The following RBFOX1 variants were observed in gnomAD, a reference collection of about 807,000 sequenced individuals.
The protein encoded by RBFOX1 is RNA binding fox-1 homolog 1.
Under a neutral mutation model 57.7 loss-of-function variants are expected in RBFOX1, and 8 were observed. The ratio of observed to expected loss-of-function variants is 0.14; its 90% confidence interval spans 0.08 to 0.25. The LOEUF (loss-of-function observed/expected upper bound fraction) is 0.25. Among genes scored for constraint, RBFOX1 ranks in the 10% least tolerant of loss-of-function variants. RBFOX1 has a pLI of 1.00. For synonymous variants in RBFOX1, 326 were observed against 222.4 expected, an observed-to-expected ratio of 1.47 and a Z score of -4.15; for missense variants, 611 against 548.5, an observed-to-expected ratio of 1.11 and a Z score of -1.14.
chr16:7,096,746 A>G (rs2061758203), intron 4 of RBFOX1, among the ~76,000 whole-genome samples: 1 of 152,032 alleles, frequency 6.6e-6, no homozygotes, highest in African/African-American at 2.4e-5. Flanking sequence ...AGCCTGGCTA[A>G]CATGGTGAAA....
intron 3 of RBFOX1, among the ~76,000 whole-genome samples, chr16:5,813,609 A>G (rs144473346): frequency 2.6e-4 from 40 of 152,250 alleles, no homozygotes; most frequent in African/African-American, 9.6e-4. Context: ...AGAAAAGGCA[A>G]GTCTCACTAT....
intron 3 of RBFOX1, among the ~76,000 whole-genome samples, chr16:5,686,792 A>G (rs1015187740): frequency 6.6e-6 from 1 of 152,196 alleles, no homozygotes; most frequent in African/African-American, 2.4e-5. Context: ...CCATTTGGCT[A>G]TCAATTAGTC....
At chr16:6,827,455 G>C (rs1486539503) in intron 3 of RBFOX1, among the ~76,000 whole-genome samples, 1 of 152,168 alleles carries the variant, frequency 6.6e-6, no homozygotes, top group Non-Finnish European at 1.5e-5. Context: ...GTCTCAGTAT[G>C]ATGACAGCTG....
At chr16:5,970,270 G>A (rs1439597107) in intron 4 of RBFOX1, among the ~76,000 whole-genome samples, 1 of 151,854 alleles carries the variant, frequency 6.6e-6, no homozygotes, top group Non-Finnish European at 1.5e-5. Context: ...ATTTTGTTCT[G>A]GTTACTCTTT....
chr16:6,979,085 A>G (rs375205915), intron 3 of RBFOX1, among the ~76,000 whole-genome samples: 112 of 152,318 alleles, frequency 7.4e-4, no homozygotes, highest in Non-Finnish European at 1.1e-3. Context: ...AATAGCACCA[A>G]TATGTTCAAC....
chr16:6,035,826 C>T (rs200944984), intron 1 of RBFOX1, among the ~76,000 whole-genome samples: 6 of 152,146 alleles, frequency 3.9e-5, no homozygotes, highest in Non-Finnish European at 2.9e-5. Context: ...AGAAGGATTA[C>T]GCTTTCCAAA....
chr16:7,454,734 T>C (rs2058132695), intron 4 of RBFOX1, among the ~76,000 whole-genome samples: 1 of 152,200 alleles, frequency 6.6e-6, no homozygotes, highest in Admixed American at 6.5e-5. Flanking sequence ...CATCTCTCGA[T>C]GTATACATTT....
At chr16:5,651,219 A>AT (rs1288402938) in intron 3 of RBFOX1, among the ~76,000 whole-genome samples, 1 of 151,210 alleles carries the variant, frequency 6.6e-6, no homozygotes, top group East Asian at 1.9e-4. Context: ...TACCCAGCTA[A>AT]TTTTTGTCTT....
chr16:6,973,049 T>G (rs1031557766), intron 3 of RBFOX1, among the ~76,000 whole-genome samples: 1 of 152,144 alleles, frequency 6.6e-6, no homozygotes, highest in Admixed American at 6.6e-5. Context: ...TAGAATCAGT[T>G]GAACCTGGGA....
chr16:6,299,180 A>G (rs2078495611), intron 1 of RBFOX1, among the ~76,000 whole-genome samples: 1 of 152,214 alleles, frequency 6.6e-6, no homozygotes, highest in African/African-American at 2.4e-5. Context: ...ATGGGAAAGA[A>G]AATGCAAGTG....
intron 1 of RBFOX1, among the ~76,000 whole-genome samples, chr16:6,299,440 G>T (rs1191869707): frequency 6.6e-6 from 1 of 152,164 alleles, no homozygotes; most frequent in Non-Finnish European, 1.5e-5. Context: ...CGGGTGTAAA[G>T]ATTGAAGCTC....
intron 3 of RBFOX1, among the ~76,000 whole-genome samples, chr16:5,811,676 C>T (rs1173876771): frequency 1.3e-5 from 2 of 151,606 alleles, no homozygotes; most frequent in African/African-American, 2.4e-5. Context: ...GTGTCCATCT[C>T]CTGACTTCGT....
intron 3 of RBFOX1, among the ~76,000 whole-genome samples, chr16:5,819,707 C>G (rs2055776173): frequency 6.6e-6 from 1 of 152,240 alleles, no homozygotes; most frequent in South Asian, 2.1e-4. Context: ...TACCCTTTCC[C>G]TCTGCCATGC....
At chr16:5,998,680 C>T (rs1044623271) in intron 4 of RBFOX1, among the ~76,000 whole-genome samples, 6 of 152,116 alleles carry the variant, frequency 3.9e-5, no homozygotes, top group African/African-American at 7.2e-5. Context: ...TCGTCCCATC[C>T]GAATGTCCTT....
chr16:5,814,098 C>G (rs1401357910), intron 3 of RBFOX1, among the ~76,000 whole-genome samples: 1 of 152,164 alleles, frequency 6.6e-6, no homozygotes, highest in Non-Finnish European at 1.5e-5. Flanking sequence ...AGTTAACTAA[C>G]CTGTAATTAC....
intron 4 of RBFOX1, among the ~76,000 whole-genome samples, chr16:7,260,265 C>G (rs1325128020): frequency 1.3e-5 from 2 of 152,196 alleles, no homozygotes; most frequent in African/African-American, 2.4e-5. Flanking sequence ...TAGCTGTTAA[C>G]TTGGACTTGC....
At chr16:6,834,557 G>C (rs889486737) in intron 3 of RBFOX1, among the ~76,000 whole-genome samples, 16 of 152,110 alleles carry the variant, frequency 1.1e-4, no homozygotes, top group Non-Finnish European at 1.5e-4. Flanking sequence ...GGAGATATCA[G>C]TAAGTGATTT....
At chr16:7,523,628 A>C (rs2078004436) in intron 5 of RBFOX1, among the ~76,000 whole-genome samples, 1 of 152,202 alleles carries the variant, frequency 6.6e-6, no homozygotes. Context: ...TTTAAAGGAA[A>C]GACAGCCATT....
At chr16:7,564,872 T>C (rs1285368899) in intron 5 of RBFOX1, among the ~76,000 whole-genome samples, 2 of 152,182 alleles carry the variant, frequency 1.3e-5, no homozygotes, top group African/African-American at 4.8e-5. Context: ...CCTTCTCCTT[T>C]CAGAGGAATT....
Sources: gnomAD v4.1 joint callset for allele counts (sites outside exome capture counted in the v4.1 genomes callset) on GRCh38, gnomAD v4.1.1 for gene constraint, MANE v1.5 for transcripts, NCBI Gene and HGNC (gene_info 2026-07-23, HGNC 2026-07-21) for gene names.